The following PHKB variants were observed in gnomAD, a reference collection of about 807,000 sequenced individuals.
The protein encoded by PHKB is phosphorylase kinase regulatory subunit beta, also known as phosphorylase b kinase regulatory subunit beta.
In PHKB, 122 loss-of-function variants were observed where a neutral mutation model predicts 152.1. That is an observed-to-expected ratio of 0.80 (90% CI 0.69 to 0.93). The LOEUF (loss-of-function observed/expected upper bound fraction) is 0.93. Among genes scored for constraint, PHKB ranks in the 40% least tolerant of loss-of-function variants. The probability of loss-of-function intolerance (pLI) is 0.00; values close to 1 mark genes in which losing one functional copy is unlikely to be tolerated. For synonymous variants in PHKB, 436 were observed against 464.9 expected (o/e 0.94, Z 0.80); for missense variants, 1,304 against 1,328.4 (o/e 0.98, Z 0.29).
At chr16:47,509,679 A>G (rs936116958) in intron 4 of PHKB, among the ~76,000 whole-genome samples, 1 of 152,172 alleles carries the variant, frequency 6.6e-6, no homozygotes, top group African/African-American at 2.4e-5. Flanking sequence ...GCTAGTGCCT[A>G]CCATGTTGGA....
intron 7 of PHKB, among the ~76,000 whole-genome samples, chr16:47,551,589 T>G (rs910383200): frequency 6.6e-6 from 1 of 152,238 alleles, no homozygotes; most frequent in Admixed American, 6.5e-5. Flanking sequence ...CAGTTTGTTA[T>G]GATTGCCATT....
intron 5 of PHKB, among the ~76,000 whole-genome samples, chr16:47,514,541 G>A (rs1199035417): frequency 2.6e-5 from 4 of 152,124 alleles, no homozygotes; most frequent in African/African-American, 7.2e-5. Flanking sequence ...GTTCCATCTG[G>A]GTGGCCCCCA....
At chr16:47,488,650 A>G (rs1321610561) in intron 1 of PHKB, among the ~76,000 whole-genome samples, 3 of 152,302 alleles carry the variant, frequency 2.0e-5, no homozygotes, top group Admixed American at 6.5e-5. Context: ...TCCAGTTTCA[A>G]TCTTCTGCAT....
intron 26 of PHKB, among the ~76,000 whole-genome samples, chr16:47,684,225 C>T (rs749991203): frequency 2.0e-5 from 3 of 151,724 alleles, no homozygotes; most frequent in Admixed American, 6.6e-5. Context: ...CCCAGTTACT[C>T]GGGAGGCTGA....
intron 7 of PHKB, among the ~76,000 whole-genome samples, chr16:47,570,046 A>T (rs182279520): frequency 1.1e-3 from 173 of 152,298 alleles, no homozygotes; most frequent in African/African-American, 4.2e-3. Context: ...CATTTCTTAA[A>T]CTTAGTTTTG....
At chr16:47,560,145 TGGTCA>T (rs1309522702) in intron 7 of PHKB, among the ~76,000 whole-genome samples, 2 of 152,176 alleles carry the variant, frequency 1.3e-5, no homozygotes, top group African/African-American at 4.8e-5. Context: ...CAGGGTAAAT[TGGTCA>T]GCATAGATTC....
chr16:47,617,151 TCCCAAGAATATATAATGTATAAA>T (rs1972533584), intron 14 of PHKB, among the ~76,000 whole-genome samples: 2 of 149,792 alleles, frequency 1.3e-5, no homozygotes, highest in Non-Finnish European at 3.0e-5. Flanking sequence ...GGGGGCCTAT[TCCCAAGAATATATAATGTATAAA>T]TATACATTAT....
intron 6 of PHKB, among the ~76,000 whole-genome samples, chr16:47,534,348 G>A (rs572206666): frequency 6.6e-5 from 10 of 152,316 alleles, no homozygotes; most frequent in South Asian, 2.1e-4. Flanking sequence ...CTGGCTGCCA[G>A]GAGTCTTGTC....
Position 47,511,692 on chromosome 16 carries a change from C to G in PHKB, c.433C>G (p.Pro145Ala). Reference sequence around the variant, plus strand: ...CCAGCAGTTTAAGCAGGATCCACGCCCAACAACATGTCTTCACTCTGTTTT... The same window carrying G: ...CCAGCAGTTTAAGCAGGATCCACGCGCAACAACATGTCTTCACTCTGTTTT... ...KVQQFKQDPR[P>A]TTCLHSVFNV... Residue 145 changes from proline to alanine, a missense_variant, in exon 5 of 31, where the codon CCA becomes GCA. Physicochemically the swap from Pro to Ala is conservative, Grantham distance 27. Coordinates refer to ENST00000323584, the MANE Select transcript of PHKB (RefSeq NM_000293.3). 1 of 1,613,064 alleles carries G rather than the reference C, an allele frequency of 6.2e-7. No individual in the cohort carries two copies.
intron 13 of PHKB, among the ~76,000 whole-genome samples, chr16:47,606,601 T>C (rs1972329189): frequency 6.6e-6 from 1 of 152,232 alleles, no homozygotes; most frequent in Non-Finnish European, 1.5e-5. Context: ...ATAACTAAGA[T>C]AACTTTACAG....
At chr16:47,575,319 C>T (rs1417361956) in intron 7 of PHKB, among the ~76,000 whole-genome samples, 2 of 152,192 alleles carry the variant, frequency 1.3e-5, no homozygotes. Context: ...TAAAATAGCA[C>T]TACCTTTCAA....
At chr16:47,474,323 T>C (rs1396369491) in intron 1 of PHKB, among the ~76,000 whole-genome samples, 5 of 152,188 alleles carry the variant, frequency 3.3e-5, no homozygotes, top group Admixed American at 2.0e-4. Flanking sequence ...GCACCAGCCA[T>C]AGAGATGAAC....
Position 47,664,933 on chromosome 16 carries a change from T to C in PHKB, c.2385T>C (p.Ser795=). The C allele has an allele frequency of 6.2e-7, 1 of 1,613,886 alleles. No homozygotes were observed. The highest frequency in any genetic ancestry group is 1.3e-5 in the African/African-American group (1 of 75,042). ...GAAFTQKFSS[S]IAPHITTFLV... ...CATTTACCCAGAAATTTTCTTCCTC[T>C]ATAGCCCCACACATTACTACTTTTC... The change falls in exon 25 of 31, where the codon TCT becomes TCC. Residue 795 remains serine, a synonymous_variant. Transcript: ENST00000323584.
At chr16:47,461,801 A>G (rs1476288359) in intron 1 of PHKB, among the ~76,000 whole-genome samples, 2 of 152,226 alleles carry the variant, frequency 1.3e-5, no homozygotes, top group Non-Finnish European at 2.9e-5. Context: ...TGCAAAAGTC[A>G]GATAGCTTAA....
In PHKB at chr16:47,656,119, C is replaced by T. The variant is rs932266254; in HGVS notation, c.1972-4387C>T. Among the ~76,000 whole-genome samples, 9 of 151,946 alleles carry T rather than the reference C, an allele frequency of 5.9e-5. No individual in the cohort carries two copies. In the East Asian group the frequency reaches 9.7e-4, roughly 16 times the overall value. On this transcript the variant is annotated intron_variant, in intron 20 of 30. Transcript: ENST00000323584. ...GCAACCTCCACCTCCCAGGTTCAAG[C>T]GATTCTCCTGCCTCAGCCTACCGAG...
intron 7 of PHKB, chr16:47,566,641 C>A: frequency 9.3e-7 from 1 of 1,070,596 alleles, no homozygotes; most frequent in South Asian, 1.2e-5. Context: ...TGGCTCCAGT[C>A]GATATTGGGT....
rs1230708941 is a variant in PHKB at position 47,641,615 on chromosome 16, A to AAC, written c.1535_1536dup (p.Tyr513HisfsTer12). The stretch of plus-strand genomic sequence containing the variant: ...GATCTTTAGACTTCAAGTTTTTCTG[A>AAC]ACACATATGGTATTCAAACTCAAAC... On this transcript the variant is annotated frameshift_variant, in exon 16 of 31. Transcript: ENST00000323584. LOFTEE classifies it high-confidence loss of function. 1.9e-6 allele frequency: 3 copies of AAC among 1,587,730 alleles called. No homozygotes were observed. Among genetic ancestry groups the AAC allele is most frequent in the Non-Finnish European group, 2.6e-6 (3 of 1,155,996 alleles).
intron 28 of PHKB, among the ~76,000 whole-genome samples, chr16:47,694,348 T>C (rs1257332021): frequency 2.6e-5 from 4 of 152,208 alleles, no homozygotes; most frequent in Non-Finnish European, 5.9e-5. Flanking sequence ...CTCAACCAAA[T>C]AAATTTTGAT....
chr16:47,564,742 T>C (rs759061529), intron 7 of PHKB, among the ~76,000 whole-genome samples: 17 of 152,186 alleles, frequency 1.1e-4, no homozygotes, highest in Non-Finnish European at 1.8e-4. Flanking sequence ...TTTAGACTTA[T>C]GTCTTTAATC....
Sources: allele counts gnomAD v4.1 joint callset (sites outside exome capture counted in the v4.1 genomes callset), GRCh38; gene constraint gnomAD v4.1.1; transcripts MANE v1.5; gene names NCBI Gene and HGNC (gene_info 2026-07-23, HGNC 2026-07-21).